PARP16: variants seen among roughly 807,000 people sequenced by gnomAD.
The protein encoded by PARP16 is protein mono-ADP-ribosyltransferase PARP16.
Under a neutral mutation model 35.0 loss-of-function variants are expected in PARP16, and 31 were observed. That is an observed-to-expected ratio of 0.88 (90% CI 0.66 to 1.19). The LOEUF (loss-of-function observed/expected upper bound fraction) is 1.19, where lower values mean the gene tolerates loss of function less well. PARP16 is among the 50% of genes most tolerant of loss of function. The pLI is 0.00. For missense variants in PARP16, 424 were observed against 411.2 expected, an observed-to-expected ratio of 1.03 and a Z score of -0.27; for synonymous variants, 162 against 169.5, an observed-to-expected ratio of 0.96 and a Z score of 0.34.
chr15:65,262,293 C>T (rs982454538), intron 4 of PARP16, among the ~76,000 whole-genome samples: 24 of 152,184 alleles, frequency 1.6e-4, no homozygotes, highest in East Asian at 7.7e-4. Flanking sequence ...CCACCACACC[C>T]GGCTCATTTT....
exon 3 of PARP16, chr15:65,248,175 T>G: frequency 2.2e-6 from 1 of 456,516 alleles, no homozygotes. Context: ...ACCCTTTAGA[T>G]GGCCACACTC....
At chr15:65,267,598 C>T (rs1447981481) in intron 2 of PARP16, among the ~76,000 whole-genome samples, 1 of 138,218 alleles carries the variant, frequency 7.2e-6, no homozygotes, top group Non-Finnish European at 1.5e-5. Flanking sequence ...CAGAGCGAGA[C>T]TCCGTCTCAA....
chr15:65,270,250 C>T (rs770847910), intron 2 of PARP16, among the ~76,000 whole-genome samples: 4 of 152,194 alleles, frequency 2.6e-5, no homozygotes, highest in Non-Finnish European at 4.4e-5. Flanking sequence ...CCCAGCCAGG[C>T]AAGGTAAACC....
chr15:65,247,539 T>G (rs551241889), intron 3 of PARP16, among the ~76,000 whole-genome samples: 73 of 152,008 alleles, frequency 4.8e-4, no homozygotes, highest in South Asian at 8.3e-4. Context: ...AATGATGAGG[T>G]GATCTAACCC....
At chr15:65,275,843 C>CA (rs1446425555) in intron 1 of PARP16, among the ~76,000 whole-genome samples, 9 of 152,216 alleles carry the variant, frequency 5.9e-5, no homozygotes, top group Admixed American at 3.9e-4. Context: ...CTTGTTATCT[C>CA]AGAGCCAGAG....
chr15:65,242,338 T>A (rs1480331039), intron 3 of PARP16, among the ~76,000 whole-genome samples: 1 of 152,206 alleles, frequency 6.6e-6, no homozygotes, highest in East Asian at 1.9e-4. Flanking sequence ...AAAAAATTGT[T>A]ATGGCTATTC....
chr15:65,235,188 T>C (rs1352370556), intron 3 of PARP16, among the ~76,000 whole-genome samples: 2 of 151,810 alleles, frequency 1.3e-5, no homozygotes, highest in Non-Finnish European at 2.9e-5. Context: ...GCGCCTGTAG[T>C]CCCAGCTACT....
At chr15:65,240,970 C>CT (rs2140733726) in intron 3 of PARP16, among the ~76,000 whole-genome samples, 1 of 151,336 alleles carries the variant, frequency 6.6e-6, no homozygotes, top group Non-Finnish European at 1.5e-5. Context: ...GTAGCTGGGA[C>CT]TGCAGGTGCA....
At chr15:65,255,484 A>T (rs551966161), downstream of PARP16, among the ~76,000 whole-genome samples, 1 of 152,170 alleles carries the variant, frequency 6.6e-6, no homozygotes, top group African/African-American at 2.4e-5. Context: ...CCCAGGGCCC[A>T]TGGAAGTCAT....
In PARP16 at chr15:65,263,138, T is replaced by C; in HGVS notation, c.691+11A>G. 2 of 1,612,318 alleles carry C rather than the reference T, an allele frequency of 1.2e-6. No individual in the cohort carries two copies. The highest frequency in any genetic ancestry group is 1.7e-6 in the Non-Finnish European group (2 of 1,179,014). On this transcript the variant is annotated intron_variant, in intron 4 of 5. Transcript: ENST00000649807. ...GCCTGTAGCCCAGGTCTGGACCAAG[T>C]GCTCACTCACCCTTCTTCTTGGTTT... is the stretch of plus-strand genomic sequence containing the variant.
intron 4 of PARP16, among the ~76,000 whole-genome samples, chr15:65,262,400 G>A (rs555069520): frequency 2.0e-4 from 30 of 152,298 alleles, no homozygotes; most frequent in Admixed American, 5.9e-4. Flanking sequence ...CCAAAGTGCT[G>A]GGATTACAGG....
chr15:65,272,126 C>G (rs954020735), intron 1 of PARP16, among the ~76,000 whole-genome samples: 2 of 152,216 alleles, frequency 1.3e-5, no homozygotes, highest in Non-Finnish European at 2.9e-5. Flanking sequence ...CAAGTTTTCA[C>G]TTTTGGGGGC....
At chr15:65,249,191 C>T (rs2089290576) in intron 2 of PARP16, among the ~76,000 whole-genome samples, 1 of 152,220 alleles carries the variant, frequency 6.6e-6, no homozygotes, top group Non-Finnish European at 1.5e-5. Context: ...AATTAAAGGC[C>T]AGTGTTCTAG....
chr15:65,234,351 G>A (rs2088824835), downstream of PARP16: 1 of 152,146 alleles, frequency 6.6e-6, no homozygotes, highest in Non-Finnish European at 1.5e-5. Flanking sequence ...TTCTCTCCTT[G>A]GGTGAGCTTG....
At chr15:65,244,343 A>C (rs994636817) in intron 3 of PARP16, among the ~76,000 whole-genome samples, 30 of 152,216 alleles carry the variant, frequency 2.0e-4, no homozygotes, top group Admixed American at 1.0e-3. Flanking sequence ...TGGGTAATTT[A>C]TAAAGGAAAG....
chr15:65,275,875 G>C lies in PARP16; in HGVS notation c.175-4803C>G, dbSNP rs139754869. ...AGAGCTGAGTCATCTTCTCTCCAAAGATTACTACTATTCCCATCACTCGTG... is the reference window on the plus strand; with the variant it reads ...AGAGCTGAGTCATCTTCTCTCCAAACATTACTACTATTCCCATCACTCGTG... On this transcript the variant is annotated intron_variant, in intron 1 of 5. Transcript: ENST00000649807. Among the ~76,000 whole-genome samples the C allele has an allele frequency of 8.4e-4, 128 of 152,232 alleles. 1 individual carries two copies. Among genetic ancestry groups the C allele is most frequent in the African/African-American group, 3.0e-3 (123 of 41,536 alleles).
intron 1 of PARP16, among the ~76,000 whole-genome samples, chr15:65,275,417 A>G (rs960867763): frequency 3.9e-5 from 6 of 152,080 alleles, no homozygotes; most frequent in African/African-American, 1.4e-4. Context: ...CCTGTGTCTC[A>G]GCTTTCTCAA....
rs147698969 is a variant in PARP16, at chr15:65,266,731, G to C, written c.350C>G (p.Thr117Arg). Residue 117 changes from threonine (T) to arginine (R), a missense_variant, in exon 3 of 6, where the codon ACG becomes AGG. Physicochemically the swap from Thr to Arg is moderately conservative, Grantham distance 71. Transcript: ENST00000649807. ...CAGGAAGTCCGGTGCAGGAACAGGC[G>C]TGTGAGGAGCCCCAGTCAGCTTTTG... is the stretch of plus-strand genomic sequence containing the variant. Reference protein sequence around the residue: ...KIQKLTGAPHTPVPAPDFLFE... With the variant: ...KIQKLTGAPHRPVPAPDFLFE... 6.2e-7 allele frequency: 1 copy of C among 1,614,062 alleles called. No homozygotes were observed. The highest frequency in any genetic ancestry group is 1.7e-5 in the Admixed American group (1 of 60,024).
chr15:65,271,323 G>T (rs2090086309), intron 1 of PARP16, among the ~76,000 whole-genome samples: 1 of 152,082 alleles, frequency 6.6e-6, no homozygotes, highest in Non-Finnish European at 1.5e-5. Flanking sequence ...GCCCAGGCTG[G>T]AGAGCAGTGG....
Sources: gnomAD v4.1 joint callset for allele counts (sites outside exome capture counted in the v4.1 genomes callset) on GRCh38, gnomAD v4.1.1 for gene constraint, MANE v1.5 for transcripts, NCBI Gene and HGNC (gene_info 2026-07-23, HGNC 2026-07-21) for gene names.